The following TRIP12 variants were observed in gnomAD, a reference collection of about 807,000 sequenced individuals.
TRIP12 encodes the protein E3 ubiquitin-protein ligase TRIP12.
In TRIP12, 25 loss-of-function variants were observed where a neutral mutation model predicts 244.2. That is an observed-to-expected ratio of 0.10 (90% CI 0.07 to 0.14). The LOEUF is 0.14. TRIP12 is among the 10% of genes least tolerant of loss of function. TRIP12 has a pLI of 1.00. For missense variants in TRIP12, 1,677 were observed against 2,486.4 expected (o/e 0.67, Z 6.92); for synonymous variants, 905 against 873.1 (o/e 1.04, Z -0.64).
At chr2:229,832,722 AG>A (rs2053768017) in intron 6 of TRIP12, among the ~76,000 whole-genome samples, 1 of 152,238 alleles carries the variant, frequency 6.6e-6, no homozygotes, top group Non-Finnish European at 1.5e-5. Flanking sequence ...ATCTGAACTC[AG>A]GAAGTCTGAC....
intron 13 of TRIP12, among the ~76,000 whole-genome samples, 160 bp downstream of exon 13, chr2:229,813,710 G>A (rs887233020): frequency 6.6e-6 from 1 of 152,158 alleles, no homozygotes; most frequent in Non-Finnish European, 1.5e-5. Context: ...CTTGAACCCA[G>A]GAGGCGGAGG....
At chr2:229,905,696 C>T (rs749020995) in intron 1 of TRIP12, among the ~76,000 whole-genome samples, 10 of 152,148 alleles carry the variant, frequency 6.6e-5, no homozygotes, top group Non-Finnish European at 1.3e-4. Context: ...TTAAGGTACA[C>T]AAGTCTAGAA....
intron 4 of TRIP12, among the ~76,000 whole-genome samples, chr2:229,848,165 C>T (rs2057956429): frequency 1.3e-5 from 2 of 152,156 alleles, no homozygotes; most frequent in African/African-American, 2.4e-5. Flanking sequence ...CAATGAATCT[C>T]GGTCAAACCT....
chr2:229,793,168 AAGTT>A (rs2041964033), intron 26 of TRIP12, 23 bp from the exon 27 acceptor site: 2 of 1,599,698 alleles, frequency 1.3e-6, no homozygotes, highest in Non-Finnish European at 1.7e-6. Context: ...TGTGAAAAAA[AAGTT>A]AGTCTATTAT....
At chr2:229,888,439 C>A (rs1447553444) in intron 1 of TRIP12, among the ~76,000 whole-genome samples, 1 of 151,660 alleles carries the variant, frequency 6.6e-6, no homozygotes, top group Non-Finnish European at 1.5e-5. Context: ...ATGCTAAAAT[C>A]TAAGGAAAAC....
Position 229,796,634 on chromosome 2 carries a change from T to C in TRIP12, c.3773A>G (p.Glu1258Gly), listed in dbSNP as rs2042888283. The stretch of plus-strand genomic sequence containing the variant: ...ATGAAGAAATCGCTTTAATCTGATC[T>C]CTCTGCTCACAGCATCCTTTTCACT... ...SKSEKDAVSR[E>G]IRLKRFLHVF... Residue 1258 changes from glutamate (E) to glycine (G), a missense_variant, in exon 25 of 42, where the codon GAG becomes GGG. Glu to Gly is a moderately conservative substitution (Grantham distance 98). Coordinates refer to ENST00000675903, the MANE Select transcript of TRIP12 (RefSeq NM_001348323.3). The C allele has an allele frequency of 6.2e-7, 1 of 1,609,520 alleles. No homozygotes were observed. The highest frequency in any genetic ancestry group is 1.3e-5 in the African/African-American group (1 of 74,640).
intron 41 of TRIP12, among the ~76,000 whole-genome samples, chr2:229,768,067 G>C (rs921309151): frequency 1.3e-5 from 2 of 152,136 alleles, no homozygotes; most frequent in South Asian, 4.1e-4. Flanking sequence ...AGACCAGCCT[G>C]GGAAACATGG....
chr2:229,877,246 C>A (rs868505649), intron 2 of TRIP12, among the ~76,000 whole-genome samples: 1 of 151,910 alleles, frequency 6.6e-6, no homozygotes, highest in African/African-American at 2.4e-5. Flanking sequence ...ATACAATTTA[C>A]AAAATTTTTT....
chr2:229,912,728 A>C (rs6436892), intron 1 of TRIP12, among the ~76,000 whole-genome samples: 1 of 152,090 alleles, frequency 6.6e-6, no homozygotes, highest in Non-Finnish European at 1.5e-5. Flanking sequence ...TGTGTGCTGT[A>C]GTCGTAAGTT....
Position 229,802,460 on chromosome 2 carries a change from C to A in TRIP12, c.2999-1G>T. On this transcript the variant is annotated splice_acceptor_variant, in intron 20 of 41. Transcript: ENST00000675903. LOFTEE classifies it high-confidence loss of function. ...AAGTGTTTTACTTGATGCATTACACCTTTATAATAACAGAGATGAAAGGGA... is the reference window on the plus strand; with the variant it reads ...AAGTGTTTTACTTGATGCATTACACATTTATAATAACAGAGATGAAAGGGA... 6.2e-7 allele frequency: 1 copy of A among 1,608,728 alleles called. No homozygotes were observed. Among genetic ancestry groups the A allele is most frequent in the South Asian group, 1.1e-5 (1 of 90,464 alleles).
chr2:229,847,164 C>T (rs1010070990), intron 4 of TRIP12, among the ~76,000 whole-genome samples: 6 of 152,084 alleles, frequency 3.9e-5, no homozygotes, highest in African/African-American at 1.2e-4. Context: ...AATTAGGGTA[C>T]ATCCATATCT....
At chr2:229,834,175 A>G (rs1011484775) in intron 6 of TRIP12, among the ~76,000 whole-genome samples, 5 of 152,358 alleles carry the variant, frequency 3.3e-5, no homozygotes, top group African/African-American at 7.2e-5. Context: ...ACAAGTGAAA[A>G]TACTGGAGAG....
intron 2 of TRIP12, among the ~76,000 whole-genome samples, chr2:229,878,392 G>C (rs1034614102): frequency 2.0e-5 from 3 of 150,708 alleles, no homozygotes; most frequent in African/African-American, 7.3e-5. Flanking sequence ...GGAGGTTGCA[G>C]TGAGCCAAGA....
At chr2:229,827,704 T>C (rs77569478) in intron 8 of TRIP12, among the ~76,000 whole-genome samples, 8,866 of 152,260 alleles carry the variant, frequency 0.058, 865 homozygotes, top group African/African-American at 0.2. Context: ...TTAATGTTCT[T>C]CTTTAGTATA....
intron 4 of TRIP12, among the ~76,000 whole-genome samples, chr2:229,849,529 C>T (rs74001439): frequency 0.042 from 6,448 of 152,000 alleles, 467 homozygotes; most frequent in African/African-American, 0.15. Context: ...TAATCAGCCA[C>T]AGAAAAGGGC....
intron 25 of TRIP12, 52 bp from the exon 26 acceptor site, chr2:229,795,382 G>A (rs1315532047): frequency 6.4e-7 from 1 of 1,558,674 alleles, no homozygotes. Flanking sequence ...CAAAACAAAA[G>A]TCTCCTCAAA....
At chr2:229,821,358 C>G (rs915453865) in intron 8 of TRIP12, among the ~76,000 whole-genome samples, 1 of 152,086 alleles carries the variant, frequency 6.6e-6, no homozygotes, top group Non-Finnish European at 1.5e-5. Flanking sequence ...TCTCAGAAAC[C>G]AAGAGTCCAC....
At chr2:229,791,546 C>T (rs377285877) in intron 29 of TRIP12, among the ~76,000 whole-genome samples, 2 of 152,226 alleles carry the variant, frequency 1.3e-5, no homozygotes, top group East Asian at 3.8e-4. Flanking sequence ...CTCTTAAGGA[C>T]TCAGAGATGC....
intron 4 of TRIP12, among the ~76,000 whole-genome samples, chr2:229,843,420 T>A (rs1378935488): frequency 6.6e-6 from 1 of 152,158 alleles, no homozygotes; most frequent in African/African-American, 2.4e-5. Flanking sequence ...GACGTATCTA[T>A]AAAACAAACA....
Sources: gnomAD v4.1 joint callset for allele counts (sites outside exome capture counted in the v4.1 genomes callset) on GRCh38, gnomAD v4.1.1 for gene constraint, MANE v1.5 for transcripts, NCBI Gene and HGNC (gene_info 2026-07-23, HGNC 2026-07-21) for gene names.